The following PRKCH variants were observed in gnomAD, a reference collection of about 807,000 sequenced individuals.
The protein encoded by PRKCH is protein kinase C eta type.
Under a neutral mutation model 82.5 loss-of-function variants are expected in PRKCH, and 28 were observed. The observed-to-expected ratio is 0.34, with a 90% CI of 0.25 to 0.47. The LOEUF (loss-of-function observed/expected upper bound fraction) is 0.47. PRKCH is among the 20% of genes least tolerant of loss of function. The pLI, the probability that PRKCH is intolerant of heterozygous loss-of-function variation, is 1.00. For missense variants in PRKCH, 705 were observed against 881.8 expected, an observed-to-expected ratio of 0.80 and a Z score of 2.54; for synonymous variants, 322 against 327.4, an observed-to-expected ratio of 0.98 and a Z score of 0.18.
At chr14:61,462,765 G>A (rs1298324575) in intron 9 of PRKCH, among the ~76,000 whole-genome samples, 1 of 151,932 alleles carries the variant, frequency 6.6e-6, no homozygotes, top group Non-Finnish European at 1.5e-5. Flanking sequence ...AGTGAGAGGG[G>A]GTGTTGGAGC....
chr14:61,214,111 T>G (rs988351504), intron 1 of PRKCH, among the ~76,000 whole-genome samples: 10 of 152,224 alleles, frequency 6.6e-5, no homozygotes, highest in African/African-American at 1.2e-4. Context: ...AGTCACACTG[T>G]GGGGGGTGTA....
chr14:61,216,356 T>C (rs2044616306), intron 1 of PRKCH, among the ~76,000 whole-genome samples: 1 of 151,868 alleles, frequency 6.6e-6, no homozygotes, highest in East Asian at 1.9e-4. Context: ...TTCCAGCTAC[T>C]CAGGAGGCTG....
At chr14:61,365,341 A>G (rs1049928597) in intron 1 of PRKCH, among the ~76,000 whole-genome samples, 1 of 152,130 alleles carries the variant, frequency 6.6e-6, no homozygotes, top group African/African-American at 2.4e-5. Flanking sequence ...GAAAGTTTTG[A>G]CAATGAATAT....
At chr14:61,462,067 A>G (rs762020581) in intron 9 of PRKCH, among the ~76,000 whole-genome samples, 2 of 152,174 alleles carry the variant, frequency 1.3e-5, no homozygotes, top group Non-Finnish European at 2.9e-5. Context: ...AAGGGAATGT[A>G]CCCCTGCTTT....
intron 1 of PRKCH, among the ~76,000 whole-genome samples, chr14:61,195,357 TA>T (rs61625795): frequency 0.26 from 39,210 of 152,162 alleles, 5,346 homozygotes; most frequent in Admixed American, 0.37. Flanking sequence ...GTGTATGGTT[TA>T]AAAATGTATC....
At chr14:61,489,123 C>G (rs746922659) in intron 10 of PRKCH, among the ~76,000 whole-genome samples, 12 of 152,142 alleles carry the variant, frequency 7.9e-5, no homozygotes, top group Non-Finnish European at 1.5e-5. Flanking sequence ...ATTTGGGTCA[C>G]AGAGGGTGTG....
chr14:61,270,333 A>G (rs2045140544), intron 1 of PRKCH, among the ~76,000 whole-genome samples: 2 of 152,256 alleles, frequency 1.3e-5, no homozygotes, highest in South Asian at 4.1e-4. Context: ...AAAAAAGACA[A>G]TGAGGAGATG....
chr14:61,272,507 C>T (rs2045166639), intron 1 of PRKCH, among the ~76,000 whole-genome samples: 1 of 151,668 alleles, frequency 6.6e-6, no homozygotes, highest in African/African-American at 2.4e-5. Flanking sequence ...GCACACGCCA[C>T]CACGGCCGGC....
At chr14:61,301,699 G>A (rs565943264) in intron 1 of PRKCH, among the ~76,000 whole-genome samples, 1 of 152,242 alleles carries the variant, frequency 6.6e-6, no homozygotes, top group Non-Finnish European at 1.5e-5. Context: ...AAATTAGCTG[G>A]GTGTGGTAGT....
intron 9 of PRKCH, among the ~76,000 whole-genome samples, chr14:61,464,904 AG>A (rs1008302852): frequency 4.6e-5 from 7 of 152,252 alleles, no homozygotes; most frequent in Non-Finnish European, 5.9e-5. Flanking sequence ...GTATATACCC[AG>A]TAATGGGATT....
At chr14:61,306,667 G>A (rs1189049561) in intron 1 of PRKCH, 1 of 152,160 alleles carries the variant, frequency 6.6e-6, no homozygotes. Context: ...ATAAGTGAAT[G>A]TCCTCTGATG....
chr14:61,472,262 A>T (rs1885539626), intron 9 of PRKCH, among the ~76,000 whole-genome samples: 2 of 152,236 alleles, frequency 1.3e-5, no homozygotes, highest in African/African-American at 2.4e-5. Flanking sequence ...TTATTTTTAA[A>T]AAGCAAGCAG....
At chr14:61,302,618 C>T (rs1594899759) in intron 1 of PRKCH, among the ~76,000 whole-genome samples, 1 of 152,124 alleles carries the variant, frequency 6.6e-6, no homozygotes, top group Non-Finnish European at 1.5e-5. Flanking sequence ...TTTAAATTTA[C>T]TGTGATTTCT....
intron 1 of PRKCH, among the ~76,000 whole-genome samples, chr14:61,310,595 T>C (rs2045515466): frequency 6.6e-6 from 1 of 152,132 alleles, no homozygotes; most frequent in African/African-American, 2.4e-5. Flanking sequence ...GAGGTGTTGG[T>C]GTTGAGTGCC....
At chr14:61,258,767 T>C (rs1345199240) in intron 1 of PRKCH, among the ~76,000 whole-genome samples, 4 of 152,224 alleles carry the variant, frequency 2.6e-5, no homozygotes, top group African/African-American at 9.6e-5. Flanking sequence ...TTTGTGGGCT[T>C]TAATCATTTT....
At chr14:61,543,506 T>C (rs1040794682) in intron 12 of PRKCH, 1 of 152,242 alleles carries the variant, frequency 6.6e-6, no homozygotes, top group Non-Finnish European at 1.5e-5. Flanking sequence ...ACTCACTCTG[T>C]GCAGCTTATA....
intron 1 of PRKCH, among the ~76,000 whole-genome samples, chr14:61,196,708 C>T (rs934498942): frequency 4.6e-5 from 7 of 152,094 alleles, no homozygotes; most frequent in African/African-American, 7.2e-5. Context: ...GACCAGTACA[C>T]GTTAAGAACA....
chr14:61,257,342 C>T (rs548839785), intron 1 of PRKCH, among the ~76,000 whole-genome samples: 2 of 152,146 alleles, frequency 1.3e-5, no homozygotes, highest in African/African-American at 4.8e-5. Context: ...GGGTTAACAC[C>T]GATCTCGGTG....
chr14:61,219,008 G>T (rs2044635813), intron 1 of PRKCH, among the ~76,000 whole-genome samples: 1 of 152,240 alleles, frequency 6.6e-6, no homozygotes, highest in Admixed American at 6.5e-5. Context: ...TTGAATTAGG[G>T]GCAATGGGAG....
Sources: allele counts gnomAD v4.1 joint callset (sites outside exome capture counted in the v4.1 genomes callset), GRCh38; gene constraint gnomAD v4.1.1; transcripts MANE v1.5; gene names NCBI Gene and HGNC (gene_info 2026-07-23, HGNC 2026-07-21).